The following EYA1 variants were observed in gnomAD, a reference collection of about 807,000 sequenced individuals.
The protein encoded by EYA1 is protein phosphatase EYA1.
EYA1 carries 16 observed loss-of-function variants against 82.0 expected under a neutral mutation model. That is an observed-to-expected ratio of 0.20 (90% CI 0.13 to 0.30). EYA1 has a LOEUF of 0.30. Ranked by LOEUF, EYA1 falls within the 10% of genes least tolerant of loss-of-function variation. The pLI is 1.00. For missense variants in EYA1, 633 were observed against 730.7 expected, an observed-to-expected ratio of 0.87 and a Z score of 1.54; for synonymous variants, 261 against 264.4, an observed-to-expected ratio of 0.99 and a Z score of 0.12.
intron 11 of EYA1, among the ~76,000 whole-genome samples, chr8:71,250,869 T>G (rs1006158576): frequency 4.6e-5 from 7 of 152,242 alleles, no homozygotes; most frequent in African/African-American, 1.7e-4. Flanking sequence ...TTTCAAATAA[T>G]TCCAGTGAAG....
chr8:71,228,067 T>C (rs1029825136), intron 12 of EYA1, among the ~76,000 whole-genome samples: 6 of 152,198 alleles, frequency 3.9e-5, no homozygotes, highest in Admixed American at 6.5e-5. Context: ...TAATTATTAC[T>C]GACTCCAGAA....
chr8:71,472,977 C>T (rs1809348555), intron 2 of EYA1, among the ~76,000 whole-genome samples: 1 of 151,650 alleles, frequency 6.6e-6, no homozygotes, highest in Admixed American at 6.6e-5. Flanking sequence ...AATATTTTTC[C>T]AGTAAGACAT....
intron 2 of EYA1, among the ~76,000 whole-genome samples, chr8:71,468,440 T>C (rs773551524): frequency 2.0e-5 from 3 of 152,116 alleles, no homozygotes; most frequent in Non-Finnish European, 4.4e-5. Context: ...TGTTATAATA[T>C]AACCCAAAGT....
intron 2 of EYA1, among the ~76,000 whole-genome samples, chr8:71,489,117 G>A (rs1452882474): frequency 2.0e-5 from 3 of 152,110 alleles, no homozygotes; most frequent in Non-Finnish European, 2.9e-5. Flanking sequence ...TTTATGTGAC[G>A]GATGCTGTTA....
At chr8:71,473,846 T>C (rs961090758) in intron 2 of EYA1, among the ~76,000 whole-genome samples, 5 of 152,142 alleles carry the variant, frequency 3.3e-5, no homozygotes, top group African/African-American at 1.2e-4. Flanking sequence ...GTGGCACATA[T>C]ACACCATGGA....
intron 2 of EYA1, among the ~76,000 whole-genome samples, chr8:71,380,454 G>A (rs187433594): frequency 1.2e-4 from 19 of 152,174 alleles, no homozygotes; most frequent in East Asian, 5.8e-4. Context: ...TTTCCACCAC[G>A]CATGCCATCT....
At chr8:71,218,884 G>C (rs1809540073) in intron 12 of EYA1, among the ~76,000 whole-genome samples, 1 of 148,556 alleles carries the variant, frequency 6.7e-6, no homozygotes, top group East Asian at 2.6e-4. Flanking sequence ...TCTCTTGGGA[G>C]AATGAACAAA....
intron 2 of EYA1, among the ~76,000 whole-genome samples, chr8:71,414,833 T>A (rs1202296477): frequency 6.6e-6 from 1 of 152,220 alleles, no homozygotes; most frequent in African/African-American, 2.4e-5. Flanking sequence ...TGAGAACTTC[T>A]TTCTAAAGTA....
Position 71,284,522 on chromosome 8 carries a change from A to G in EYA1, c.827-12625T>C, listed in dbSNP as rs560360548. ...GCTGGACTTCAGTTTCCTCAACAGT[A>G]AAATGGGAACAGCACCATTGTCAAG... is the stretch of plus-strand genomic sequence containing the variant. On this transcript the variant is annotated intron_variant, in intron 9 of 17. Transcript: ENST00000340726. Among the ~76,000 whole-genome samples the G allele has an allele frequency of 1.4e-4, 22 of 152,354 alleles. No individual in the cohort carries two copies. In the East Asian group the frequency reaches 4.2e-3, roughly 29 times the overall value.
intron 2 of EYA1, among the ~76,000 whole-genome samples, chr8:71,421,061 G>A (rs554162548): frequency 6.6e-6 from 1 of 152,270 alleles, no homozygotes; most frequent in East Asian, 1.9e-4. Context: ...AGAGTGCCAG[G>A]TCTATATTTG....
At chr8:71,216,350 A>G (rs1047700876) in intron 14 of EYA1, among the ~76,000 whole-genome samples, 10 of 151,986 alleles carry the variant, frequency 6.6e-5, no homozygotes, top group Non-Finnish European at 1.2e-4. Context: ...ACCCTGTAGG[A>G]GGAGATTTAC....
intron 12 of EYA1, among the ~76,000 whole-genome samples, chr8:71,235,968 C>T (rs1811780628): frequency 6.6e-6 from 1 of 152,096 alleles, no homozygotes; most frequent in Admixed American, 6.6e-5. Flanking sequence ...GAAAATATAT[C>T]GTCGTGGCTT....
chr8:71,509,661 C>G (rs926825551), intron 2 of EYA1, among the ~76,000 whole-genome samples: 1 of 151,954 alleles, frequency 6.6e-6, no homozygotes, highest in Admixed American at 6.6e-5. Context: ...CAATGTAAGT[C>G]AATAAAATAT....
chr8:71,243,482 T>C (rs946990032), intron 12 of EYA1, among the ~76,000 whole-genome samples: 1 of 152,214 alleles, frequency 6.6e-6, no homozygotes, highest in Non-Finnish European at 1.5e-5. Flanking sequence ...AAAAAAATTT[T>C]GTATTTTACC....
intron 2 of EYA1, among the ~76,000 whole-genome samples, chr8:71,490,949 T>C (rs1394637962): frequency 6.6e-6 from 1 of 152,218 alleles, no homozygotes; most frequent in African/African-American, 2.4e-5. Context: ...ACTTAATCCT[T>C]CTTGGGAGGA....
intron 9 of EYA1, among the ~76,000 whole-genome samples, chr8:71,296,394 C>G (rs1018995328): frequency 1.1e-4 from 16 of 150,788 alleles, no homozygotes; most frequent in Non-Finnish European, 1.8e-4. Context: ...CCCTGAAAAA[C>G]CCTTACAAAA....
intron 2 of EYA1, among the ~76,000 whole-genome samples, chr8:71,479,966 T>C (rs957512506): frequency 1.3e-5 from 2 of 152,188 alleles, no homozygotes; most frequent in Non-Finnish European, 2.9e-5. Flanking sequence ...GAGAGACCTA[T>C]TTACTCTAGT....
intron 2 of EYA1, among the ~76,000 whole-genome samples, chr8:71,526,565 G>A (rs541879219): frequency 3.3e-4 from 50 of 152,170 alleles, no homozygotes; most frequent in Non-Finnish European, 5.7e-4. Flanking sequence ...AACTGGGGCT[G>A]CATGATCTGC....
chr8:71,324,446 A>G (rs2129035294), intron 4 of EYA1, among the ~76,000 whole-genome samples: 1 of 152,316 alleles, frequency 6.6e-6, no homozygotes, highest in South Asian at 2.1e-4. Flanking sequence ...ATGTTCTCCT[A>G]TAAAATGATG....
Sources: allele counts gnomAD v4.1 joint callset (sites outside exome capture counted in the v4.1 genomes callset), GRCh38; gene constraint gnomAD v4.1.1; transcripts MANE v1.5; gene names NCBI Gene and HGNC (gene_info 2026-07-23, HGNC 2026-07-21).